The following ABCB4 variants were observed in gnomAD, a reference collection of about 807,000 sequenced individuals.
The protein encoded by ABCB4 is ATP binding cassette subfamily B member 4, also known as phosphatidylcholine translocator ABCB4.
In ABCB4, 76 loss-of-function variants were observed where a neutral mutation model predicts 145.7. The observed-to-expected ratio is 0.52, with a 90% CI of 0.43 to 0.63. The LOEUF (loss-of-function observed/expected upper bound fraction) is 0.63. ABCB4 is among the 30% of genes least tolerant of loss of function. ABCB4 has a pLI of 0.00. For missense variants in ABCB4, 1,234 were observed against 1,553.1 expected (o/e 0.79, Z 3.45); for synonymous variants, 517 against 566.8 (o/e 0.91, Z 1.25).
downstream of ABCB4, among the ~76,000 whole-genome samples, chr7:87,400,822 A>T (rs939937707): frequency 6.6e-6 from 1 of 152,248 alleles, no homozygotes; most frequent in African/African-American, 2.4e-5. Flanking sequence ...ATTTTAGATA[A>T]GAATACTCAA....
intron 20 of ABCB4, among the ~76,000 whole-genome samples, chr7:87,418,301 A>G (rs1244582903): frequency 1.3e-5 from 2 of 152,216 alleles, no homozygotes; most frequent in Non-Finnish European, 2.9e-5. Context: ...ACTGCAGGGA[A>G]TCAGCCTTGG....
Position 87,447,067 on chromosome 7 carries a change from T to C in ABCB4, c.972A>G (p.Ile324Met). The C allele has an allele frequency of 6.2e-7, 1 of 1,613,736 alleles. No individual in the cohort carries two copies. The highest frequency in any genetic ancestry group is 2.2e-5 in the East Asian group (1 of 44,858). Reference sequence around the variant, plus strand: ...CATTTCCAATAGTATATTCTTTTGATATGACTAGAGTGGATCCATACCAGA... The same window carrying C: ...CATTTCCAATAGTATATTCTTTTGACATGACTAGAGTGGATCCATACCAGA... The part of the protein sequence containing the change: ...LAFWYGSTLV[I>M]SKEYTIGNAM... The change falls in exon 9 of 28, where the codon ATA becomes ATG. Residue 324 changes from isoleucine (I) to methionine (M), a missense_variant. Transcript: ENST00000649586.
chr7:87,450,865 T>G (rs45614043), intron 7 of ABCB4, among the ~76,000 whole-genome samples: 5,928 of 152,244 alleles, frequency 0.039, 395 homozygotes, highest in African/African-American at 0.13. Context: ...ATACAGGTAG[T>G]TCACTGTGTA....
At chr7:87,377,648 G>A in the ABCB4 span, among the ~76,000 whole-genome samples, 1 of 152,132 alleles carries the variant, frequency 6.6e-6, no homozygotes, top group Non-Finnish European at 1.5e-5. Flanking sequence ...CCAACAGTTT[G>A]TTGTGTACTA....
At chr7:87,375,898 T>G in the ABCB4 span, 1 of 1,613,338 alleles carries the variant, frequency 6.2e-7, no homozygotes, top group Non-Finnish European at 8.5e-7. Context: ...AGTAGTTTAC[T>G]GGTATATTCC....
intron 4 of ABCB4, among the ~76,000 whole-genome samples, chr7:87,460,504 A>G (rs962945848): frequency 6.6e-6 from 1 of 152,028 alleles, no homozygotes; most frequent in Non-Finnish European, 1.5e-5. Flanking sequence ...GTGTTACCCA[A>G]TGCTTAGCTC....
chr7:87,441,502 A>G (rs1047778011), intron 12 of ABCB4, among the ~76,000 whole-genome samples: 1 of 152,076 alleles, frequency 6.6e-6, no homozygotes, highest in African/African-American at 2.4e-5. Context: ...TCATATATTC[A>G]TATTAACTTC....
rs1354650970 is a variant in ABCB4, at chr7:87,441,526, A to G, written c.1357-1124T>C. The stretch of plus-strand genomic sequence containing the variant: ...CATATTAACTTCTCTAATAATAAAT[A>G]TAATACTTTTTCCATATATAATAAA... On this transcript the variant is annotated intron_variant, in intron 12 of 27. Transcript: ENST00000649586. Among the ~76,000 whole-genome samples, 4 of 151,962 alleles carry G rather than the reference A, an allele frequency of 2.6e-5. No homozygotes were observed. The East Asian group carries it at 7.7e-4, about 29-fold the overall frequency.
intron 19 of ABCB4, among the ~76,000 whole-genome samples, chr7:87,419,188 T>G: frequency 6.6e-6 from 1 of 152,224 alleles, no homozygotes; most frequent in East Asian, 1.9e-4. Context: ...ATCTTTTACC[T>G]TCACATAAAA....
chr7:87,397,265 T>C (rs1807561421), downstream of ABCB4, among the ~76,000 whole-genome samples: 1 of 151,852 alleles, frequency 6.6e-6, no homozygotes, highest in South Asian at 2.1e-4. Flanking sequence ...GCACGAGAAT[T>C]GCTTCACACT....
At chr7:87,393,877 A>C in the ABCB4 span, among the ~76,000 whole-genome samples, 1 of 152,208 alleles carries the variant, frequency 6.6e-6, no homozygotes, top group Admixed American at 6.5e-5. Context: ...TAAATAAATG[A>C]GAAAATTTTT....
At position 87,406,375 on chromosome 7, in the gene ABCB4, T is replaced by G; in HGVS notation, c.3399A>C (p.Gly1133=). Residue 1133 remains glycine (G), a synonymous_variant, in exon 26 of 28, where the codon GGA becomes GGC. Coordinates refer to ENST00000649586, the MANE Select transcript of ABCB4 (RefSeq NM_000443.4). The part of the protein sequence containing the change: ...DCSIAENIAY[G]DNSRVVSQDE... ...CCTGTGATACAACCCGGCTGTTGTCTCCATAGGCAATATTCTCGGCAATGC... is the reference window on the plus strand; with the variant it reads ...CCTGTGATACAACCCGGCTGTTGTCGCCATAGGCAATATTCTCGGCAATGC... 1 of 1,614,038 alleles carries G rather than the reference T, an allele frequency of 6.2e-7. No homozygotes were observed. Among genetic ancestry groups the G allele is most frequent in the East Asian group, 2.2e-5 (1 of 44,870 alleles).
chr7:87,382,240 A>G, the ABCB4 span: 7 of 1,483,648 alleles, frequency 4.7e-6, no homozygotes, highest in Middle Eastern at 1.8e-4. Flanking sequence ...AACCATATGT[A>G]AAAATTTGGC....
At position 87,401,862 on chromosome 7, in the gene ABCB4, C is replaced by A; in HGVS notation, c.*234G>T. 1 of 672,806 alleles carries A rather than the reference C, an allele frequency of 1.5e-6. No individual in the cohort carries two copies. Among genetic ancestry groups the A allele is most frequent in the East Asian group, 3.0e-5 (1 of 33,408 alleles). 41.7% of individuals were successfully genotyped at this position (672,806 alleles called of 1,614,324 possible). A position where few individuals can be genotyped will look rare whatever the true frequency, so the allele number is the denominator to read the frequency against. ...AATTTTGTTCTTTTTCTGGATGTTT[C>A]TAATAACTTAGGGAGAGCTAGCCTG... On this transcript the variant is annotated 3_prime_UTR_variant, in exon 28 of 28. Coordinates refer to ENST00000649586, the MANE Select transcript of ABCB4 (RefSeq NM_000443.4).
chr7:87,453,011 T>C lies in ABCB4; in HGVS notation c.469A>G (p.Ile157Val), dbSNP rs767260080. 6 of 1,614,124 alleles carry C rather than the reference T, an allele frequency of 3.7e-6. No individual in the cohort carries two copies. In the East Asian group the frequency reaches 6.7e-5, roughly 18 times the overall value. Residue 157 changes from isoleucine (I) to valine (V), a missense_variant, in exon 6 of 28, where the codon ATT becomes GTT. Around this residue, in one of 7 missense-constraint regions of ABCB4, gnomAD observed 467 missense variants for 632.8 expected, o/e 0.74. Transcript: ENST00000649586. ...AACCATCCTATTTCCTGTCGTAGAA[T>C]AGCATGAAAAAACTTCTGCCTAATT... Reference protein sequence around the residue: ...RKIRQKFFHAILRQEIGWFDI... With the variant: ...RKIRQKFFHAVLRQEIGWFDI...
intron 14 of ABCB4, among the ~76,000 whole-genome samples, chr7:87,436,687 T>G (rs565440227): frequency 0.017 from 2,600 of 152,264 alleles, 76 homozygotes; most frequent in African/African-American, 0.059. Flanking sequence ...AACCCACTCC[T>G]GGGGAGCAGA....
the ABCB4 span, among the ~76,000 whole-genome samples, chr7:87,384,828 G>A: frequency 6.6e-6 from 1 of 152,162 alleles, no homozygotes; most frequent in East Asian, 1.9e-4. Flanking sequence ...TTTTCTTTTA[G>A]TAGTTTTATA....
intron 15 of ABCB4, among the ~76,000 whole-genome samples, chr7:87,427,278 T>C (rs1443148266): frequency 6.6e-6 from 1 of 151,784 alleles, no homozygotes; most frequent in African/African-American, 2.4e-5. Context: ...ATGGAAACAC[T>C]AACAAGGGCT....
In ABCB4 at chr7:87,452,977, T is replaced by C. The variant is rs1177941839; in HGVS notation, c.503A>G (p.Asn168Ser). The C allele has an allele frequency of 5.6e-6, 9 of 1,614,010 alleles. No individual in the cohort carries two copies. Among genetic ancestry groups the C allele is most frequent in the African/African-American group, 2.7e-5 (2 of 74,908 alleles). Residue 168 changes from asparagine to serine, a missense_variant, in exon 6 of 28, where the codon AAC becomes AGC. Around this residue, in one of 7 missense-constraint regions of ABCB4, gnomAD observed 467 missense variants for 632.8 expected, o/e 0.74. Coordinates refer to ENST00000649586, the MANE Select transcript of ABCB4 (RefSeq NM_000443.4). ...CCGCGTATTGAGTTCAGTGGTGTCG[T>C]TGATGTCAAACCATCCTATTTCCTG... Reference protein sequence around the residue: ...LRQEIGWFDINDTTELNTRLT... With the variant: ...LRQEIGWFDISDTTELNTRLT...
Sources: allele counts gnomAD v4.1 joint callset (sites outside exome capture counted in the v4.1 genomes callset), GRCh38; gene constraint gnomAD v4.1.1; regional missense constraint gnomAD v4.1.1; transcripts MANE v1.5; gene names NCBI Gene and HGNC (gene_info 2026-07-23, HGNC 2026-07-21).